OCA2: variants seen among roughly 807,000 people sequenced by gnomAD.
OCA2 encodes OCA2 melanosomal transmembrane protein.
Under a neutral mutation model 100.2 loss-of-function variants are expected in OCA2, and 77 were observed. The observed-to-expected ratio is 0.77, with a 90% CI of 0.64 to 0.93. The LOEUF is 0.93. Among genes scored for constraint, OCA2 ranks in the 40% least tolerant of loss-of-function variants. The pLI is 0.00. For synonymous variants in OCA2, 432 were observed against 439.2 expected (o/e 0.98, Z 0.21); for missense variants, 1,062 against 1,089.1 (o/e 0.98, Z 0.35).
At chr15:27,987,354 T>C (rs2041388256) in intron 11 of OCA2, among the ~76,000 whole-genome samples, 2 of 152,190 alleles carry the variant, frequency 1.3e-5, no homozygotes, top group South Asian at 4.1e-4. Context: ...ACCTCTTTGA[T>C]GGCAGTCACC....
At chr15:28,070,233 C>A (rs1252880663) in intron 2 of OCA2, among the ~76,000 whole-genome samples, 1 of 136,684 alleles carries the variant, frequency 7.3e-6, no homozygotes, top group Non-Finnish European at 1.5e-5. Context: ...AAGTGAGGAG[C>A]CTCTCCGCCC....
At chr15:28,088,436 A>G (rs1200473573) in intron 1 of OCA2, among the ~76,000 whole-genome samples, 1 of 152,242 alleles carries the variant, frequency 6.6e-6, no homozygotes, top group Non-Finnish European at 1.5e-5. Flanking sequence ...ACATGTATAT[A>G]TACTTTAATA....
At chr15:27,960,194 G>A (rs1354315125) in intron 15 of OCA2, among the ~76,000 whole-genome samples, 3 of 152,162 alleles carry the variant, frequency 2.0e-5, no homozygotes. Context: ...TAATGCAATT[G>A]CTCTTCCAGG....
chr15:27,990,306 C>T (rs553409985), intron 10 of OCA2, among the ~76,000 whole-genome samples: 1 of 152,308 alleles, frequency 6.6e-6, no homozygotes, highest in South Asian at 2.1e-4. Context: ...CCCAGCTCCA[C>T]AGCCCTAGGC....
chr15:27,831,236 A>G (rs533488531), intron 23 of OCA2, among the ~76,000 whole-genome samples: 2 of 137,994 alleles, frequency 1.4e-5, no homozygotes, highest in South Asian at 5.0e-4. Flanking sequence ...CAGCGAGCCG[A>G]GATTGTGCCA....
intron 23 of OCA2, among the ~76,000 whole-genome samples, chr15:27,779,484 G>A (rs562523718): frequency 1.3e-5 from 2 of 152,190 alleles, no homozygotes; most frequent in East Asian, 3.9e-4. Context: ...TATATTTTGG[G>A]TGGATTGACC....
chr15:28,003,127 C>T (rs1215503778), intron 9 of OCA2, among the ~76,000 whole-genome samples: 3 of 152,242 alleles, frequency 2.0e-5, no homozygotes, highest in Non-Finnish European at 4.4e-5. Context: ...CGTGATCCTG[C>T]CTGGCCTGCA....
chr15:27,861,373 A>C (rs1471855040), intron 21 of OCA2, among the ~76,000 whole-genome samples: 1 of 152,162 alleles, frequency 6.6e-6, no homozygotes, highest in East Asian at 1.9e-4. Context: ...GCAGGTGGAC[A>C]ACCGGGGCTA....
intron 23 of OCA2, among the ~76,000 whole-genome samples, chr15:27,829,838 G>C (rs2034884783): frequency 6.6e-6 from 1 of 152,218 alleles, no homozygotes; most frequent in Non-Finnish European, 1.5e-5. Flanking sequence ...ATGGAATCCA[G>C]TTGCAGCTAT....
chr15:27,970,806 AC>A (rs1486476126), intron 14 of OCA2, among the ~76,000 whole-genome samples: 1 of 149,774 alleles, frequency 6.7e-6, no homozygotes, highest in East Asian at 2.0e-4. Context: ...CCTGAAGAAT[AC>A]CCCAGTACGT....
At chr15:27,914,339 A>G (rs1291739232) in intron 19 of OCA2, among the ~76,000 whole-genome samples, 1 of 152,214 alleles carries the variant, frequency 6.6e-6, no homozygotes, top group African/African-American at 2.4e-5. Context: ...CCTATTCAAC[A>G]TAGTACTGGA....
chr15:28,086,264 A>C (rs2044774500), intron 1 of OCA2, among the ~76,000 whole-genome samples: 1 of 152,250 alleles, frequency 6.6e-6, no homozygotes, highest in Non-Finnish European at 1.5e-5. Context: ...TCTGCTCAGC[A>C]GTAATGAGGC....
In OCA2 at chr15:27,828,212, G is replaced by A. The variant is rs550104418; in HGVS notation, c.2432+16747C>T. Among the ~76,000 whole-genome samples, 44 of 152,258 alleles carry A rather than the reference G, an allele frequency of 2.9e-4. 3 individuals carry two copies. The South Asian group carries it at 8.5e-3, about 29-fold the overall frequency. On this transcript the variant is annotated intron_variant, in intron 23 of 23. Transcript: ENST00000354638. ...CTCCATTCCCGGCCTTCCTCCCAGTGCTGAAGTCGCCCTCTTTGGAAGGGC... is the reference window on the plus strand; with the variant it reads ...CTCCATTCCCGGCCTTCCTCCCAGTACTGAAGTCGCCCTCTTTGGAAGGGC...
intron 2 of OCA2, among the ~76,000 whole-genome samples, chr15:28,040,242 G>T (rs2043164228): frequency 6.6e-6 from 1 of 152,118 alleles, no homozygotes; most frequent in Admixed American, 6.6e-5. Flanking sequence ...AATTTTTGTT[G>T]TTTAAGCCAC....
chr15:28,030,262 C>T (rs746544860), intron 3 of OCA2, among the ~76,000 whole-genome samples: 27 of 152,112 alleles, frequency 1.8e-4, no homozygotes, highest in Middle Eastern at 3.4e-3. Flanking sequence ...CCAGGATGTA[C>T]GATGAAGAGG....
chr15:28,094,833 C>G (rs910324088), intron 1 of OCA2, among the ~76,000 whole-genome samples: 2 of 152,190 alleles, frequency 1.3e-5, no homozygotes, highest in Non-Finnish European at 2.9e-5. Flanking sequence ...CAAGCCTGCC[C>G]GAGCCCCGCC....
intron 23 of OCA2, among the ~76,000 whole-genome samples, chr15:27,788,686 G>A (rs1467891085): frequency 6.6e-6 from 1 of 151,878 alleles, no homozygotes; most frequent in Non-Finnish European, 1.5e-5. Flanking sequence ...CAATTTAATT[G>A]GAGTCTTTAG....
intron 19 of OCA2, among the ~76,000 whole-genome samples, chr15:27,907,753 C>T (rs1469779227): frequency 6.6e-6 from 1 of 152,032 alleles, no homozygotes; most frequent in Non-Finnish European, 1.5e-5. Flanking sequence ...ATTTTAAACC[C>T]TAGGTGAAAT....
chr15:27,988,857 C>T (rs2041449106), intron 11 of OCA2, among the ~76,000 whole-genome samples: 1 of 152,136 alleles, frequency 6.6e-6, no homozygotes, highest in Non-Finnish European at 1.5e-5. Context: ...CAGAGGATGG[C>T]GGCACGGTTT....
Sources: allele counts gnomAD v4.1 joint callset (sites outside exome capture counted in the v4.1 genomes callset), GRCh38; gene constraint gnomAD v4.1.1; transcripts MANE v1.5; gene names NCBI Gene and HGNC (gene_info 2026-07-23, HGNC 2026-07-21).